LYST: variants seen among roughly 807,000 people sequenced by gnomAD.
The protein encoded by LYST is lysosomal trafficking regulator, also known as lysosomal-trafficking regulator.
Under a neutral mutation model 413.6 loss-of-function variants are expected in LYST, and 192 were observed. The ratio of observed to expected loss-of-function variants is 0.46; its 90% confidence interval spans 0.41 to 0.52. The LOEUF (loss-of-function observed/expected upper bound fraction) is 0.52, where lower values mean the gene tolerates loss of function less well. Ranked by LOEUF, LYST falls within the 20% of genes least tolerant of loss-of-function variation. The pLI is 0.00. For missense variants in LYST, 3,815 were observed against 4,499.9 expected (o/e 0.85, Z 4.35); for synonymous variants, 1,525 against 1,567.3 (o/e 0.97, Z 0.64).
intron 50 of LYST, among the ~76,000 whole-genome samples, chr1:235,665,645 C>A (rs1658383314): frequency 7.0e-6 from 1 of 142,938 alleles, no homozygotes; most frequent in African/African-American, 2.6e-5. Context: ...ACTTATGTGA[C>A]TTTTGAAGAA....
rs1667330879 is a variant in LYST at position 235,759,146 on chromosome 1, A to G, written c.6707T>C (p.Phe2236Ser). ...RPDYLKGLASFQRSHSTIASL... is the reference protein window; with the variant it reads ...RPDYLKGLASSQRSHSTIASL... ...TGCAATAGTGCTGTGGCTTCGCTGG[A>G]AGGAGGCCAATCCCTTTAGGTAATC... Residue 2236 changes from phenylalanine to serine, a missense_variant, in exon 23 of 53, where the codon TTC (phenylalanine) becomes TCC (serine). Physicochemically the swap from Phe to Ser is radical, Grantham distance 155. Around this residue, in one of 4 missense-constraint regions of LYST, gnomAD observed 771 missense variants for 837.1 expected, o/e 0.92. Transcript: ENST00000389793. 1 of 1,614,162 alleles carries G rather than the reference A, an allele frequency of 6.2e-7. No individual in the cohort carries two copies. Among genetic ancestry groups the G allele is most frequent in the South Asian group, 1.1e-5 (1 of 91,080 alleles).
intron 1 of LYST, among the ~76,000 whole-genome samples, chr1:235,843,800 T>G (rs1677482894): frequency 6.6e-6 from 1 of 152,218 alleles, no homozygotes; most frequent in African/African-American, 2.4e-5. Flanking sequence ...ATATTTATTC[T>G]TATAGGTTGA....
At chr1:235,823,554 A>G (rs1558303354) in intron 3 of LYST, among the ~76,000 whole-genome samples, 2 of 152,264 alleles carry the variant, frequency 1.3e-5, no homozygotes, top group South Asian at 2.1e-4. Flanking sequence ...ACTTCTTAAC[A>G]TGGTATACAA....
Position 235,809,257 on chromosome 1 carries a change from C to G in LYST, c.1561G>C (p.Val521Leu). The change falls in exon 5 of 53, where the codon GTT (valine) becomes CTT (leucine). Residue 521 changes from valine (V) to leucine (L), a missense_variant. Around this residue, in one of 4 missense-constraint regions of LYST, gnomAD observed 1,648 missense variants for 1,810.3 expected, o/e 0.91. Coordinates refer to ENST00000389793, the MANE Select transcript of LYST (RefSeq NM_000081.4). The surrounding 1 kb of genome is among the most constrained non-coding windows in gnomAD (Gnocchi z 4.0). ...HHHRDLSGLL[V>L]SAFKNQVSKN... is the part of the protein sequence containing the mutation. ...GAAACCTGGTTTTTAAAAGCCGAAA[C>G]CAGAAGACCTGAGAGATCTCGGTGA... 1 of 1,613,722 alleles carries G rather than the reference C, an allele frequency of 6.2e-7. No individual in the cohort carries two copies. Among genetic ancestry groups the G allele is most frequent in the Non-Finnish European group, 8.5e-7 (1 of 1,179,876 alleles).
At chr1:235,738,428 G>A in intron 31 of LYST, 1 of 1,613,292 alleles carries the variant, frequency 6.2e-7, no homozygotes, top group Non-Finnish European at 8.5e-7. Context: ...GGATATCTTT[G>A]ACCTATAGTG....
At chr1:235,870,127 A>G (rs540242069), upstream of LYST, among the ~76,000 whole-genome samples, 1 of 152,250 alleles carries the variant, frequency 6.6e-6, no homozygotes, top group Admixed American at 6.5e-5. Context: ...ATAGTATTAA[A>G]AAACATGTAT....
At chr1:235,676,479 A>G (rs138174075) in intron 50 of LYST, among the ~76,000 whole-genome samples, 155 of 152,332 alleles carry the variant, frequency 1.0e-3, no homozygotes, top group African/African-American at 3.3e-3. Context: ...ACTCAAGTTG[A>G]GCTGGTATGA....
In LYST at chr1:235,726,298, C is replaced by T. The variant is rs141344311; in HGVS notation, c.9162+1778G>A. Reference sequence around the variant, plus strand: ...ATTATCCTACTCTATGTGTGTTTTACTATTGTTCTTGGTCCAAAATAATTT... The same window carrying T: ...ATTATCCTACTCTATGTGTGTTTTATTATTGTTCTTGGTCCAAAATAATTT... On this transcript the variant is annotated intron_variant, in intron 38 of 52. Coordinates refer to ENST00000389793, the MANE Select transcript of LYST (RefSeq NM_000081.4). 6.6e-5 allele frequency among the ~76,000 whole-genome samples: 10 copies of T among 151,830 alleles called. No individual in the cohort carries two copies. The East Asian group carries it at 1.9e-3, about 29-fold the overall frequency.
At chr1:235,880,097 T>C (rs952347624) in intron 1 of LYST, among the ~76,000 whole-genome samples, 1 of 152,214 alleles carries the variant, frequency 6.6e-6, no homozygotes, top group African/African-American at 2.4e-5. Flanking sequence ...CTTAGAGTTA[T>C]CAGCAACTAC....
chr1:235,869,875 C>T (rs1348557665), upstream of LYST, among the ~76,000 whole-genome samples: 3 of 152,140 alleles, frequency 2.0e-5, no homozygotes, highest in African/African-American at 7.2e-5. Context: ...TACTGTTTAC[C>T]AAACATGCCA....
chr1:235,871,485 G>A (rs1680921933), upstream of LYST, among the ~76,000 whole-genome samples: 1 of 152,142 alleles, frequency 6.6e-6, no homozygotes, highest in African/African-American at 2.4e-5. Flanking sequence ...AGAACAAAAA[G>A]CATTCTTAGT....
At chr1:235,743,387 GTTTAGA>G (rs1254101832) in intron 30 of LYST, among the ~76,000 whole-genome samples, 1 of 152,122 alleles carries the variant, frequency 6.6e-6, no homozygotes, top group East Asian at 1.9e-4. Flanking sequence ...CCAAAATCTA[GTTTAGA>G]TTTAGAGATT....
At chr1:235,683,580 C>A (rs1355291746) in intron 48 of LYST, among the ~76,000 whole-genome samples, 1 of 152,154 alleles carries the variant, frequency 6.6e-6, no homozygotes. Flanking sequence ...ACTTACGGTG[C>A]TCAAAGTTAG....
At chr1:235,719,310 G>A (rs552263101) in intron 40 of LYST, among the ~76,000 whole-genome samples, 7 of 152,194 alleles carry the variant, frequency 4.6e-5, no homozygotes, top group South Asian at 4.2e-4. Context: ...GAGCCACCAC[G>A]CCTGGCCAAC....
intron 44 of LYST, among the ~76,000 whole-genome samples, chr1:235,705,649 G>A (rs1472543255): frequency 6.6e-6 from 1 of 151,978 alleles, no homozygotes; most frequent in Non-Finnish European, 1.5e-5. Flanking sequence ...GTCTCCCAGA[G>A]CATTTGGGTT....
intron 36 of LYST, 103 bp downstream of exon 36, chr1:235,730,744 T>G (rs1664311834): frequency 1.1e-6 from 1 of 902,128 alleles, no homozygotes; most frequent in African/African-American, 1.7e-5. Flanking sequence ...TGTTTAGGAT[T>G]TTTCTGAAAA....
intron 14 of LYST, among the ~76,000 whole-genome samples, chr1:235,785,020 G>A (rs1036493560): frequency 2.6e-5 from 4 of 152,136 alleles, no homozygotes; most frequent in African/African-American, 9.7e-5. Context: ...AGACACCATG[G>A]ACTGTAAAGC....
chr1:235,710,805 C>A lies in LYST; in HGVS notation c.9925+1252G>T, dbSNP rs1206811841. On this transcript the variant is annotated intron_variant, in intron 43 of 52. Coordinates refer to ENST00000389793, the MANE Select transcript of LYST (RefSeq NM_000081.4). ...AGGCCATGCAGCCTCTGTTCGTCTC[C>A]CTCTTGGAACACTTGTCTTTGGAAC... 2.6e-5 allele frequency among the ~76,000 whole-genome samples: 4 copies of A among 152,192 alleles called. No homozygotes were observed. In the East Asian group the frequency reaches 7.7e-4, roughly 29 times the overall value.
rs1665412113 is a variant in LYST at position 235,741,635 on chromosome 1, T to G, written c.8152-7A>C. 1.9e-6 allele frequency: 3 copies of G among 1,601,826 alleles called. No individual in the cohort carries two copies. In the South Asian group the frequency reaches 3.3e-5, roughly 18 times the overall value. ...CACTGGCTTTACTTGAACCCTAAAA[T>G]CAATCAAGATAGGAATGAATTAGGA... On this transcript the variant is annotated splice_region_variant and splice_polypyrimidine_tract_variant and intron_variant, in intron 30 of 52. Transcript: ENST00000389793.
Sources: allele counts gnomAD v4.1 joint callset (sites outside exome capture counted in the v4.1 genomes callset), GRCh38; gene constraint gnomAD v4.1.1; regional missense constraint gnomAD v4.1.1; non-coding constraint Gnocchi (gnomAD v3.1); transcripts MANE v1.5; gene names NCBI Gene and HGNC (gene_info 2026-07-23, HGNC 2026-07-21).